Variants in CFTR observed in about 807,000 individuals in gnomAD.
CFTR encodes the protein cystic fibrosis transmembrane conductance regulator.
Under a neutral mutation model 171.6 loss-of-function variants are expected in CFTR, and 181 were observed. That is an observed-to-expected ratio of 1.05 (90% CI 0.93 to 1.19). The LOEUF (loss-of-function observed/expected upper bound fraction) is 1.19, where lower values mean the gene tolerates loss of function less well. CFTR is among the 50% of genes most tolerant of loss of function. CFTR has a pLI of 0.00. For synonymous variants in CFTR, 583 were observed against 608.0 expected, an observed-to-expected ratio of 0.96 and a Z score of 0.60; for missense variants, 1,968 against 1,734.7, an observed-to-expected ratio of 1.13 and a Z score of -2.39.
At chr7:117,595,766 C>T (rs993368265) in intron 15 of CFTR, among the ~76,000 whole-genome samples, 2 of 151,944 alleles carry the variant, frequency 1.3e-5, no homozygotes, top group Non-Finnish European at 2.9e-5. Context: ...TGCCTGTATG[C>T]TACCATTAAC....
intron 24 of CFTR, among the ~76,000 whole-genome samples, chr7:117,655,284 A>G (rs993779706): frequency 3.9e-5 from 6 of 152,150 alleles, no homozygotes; most frequent in Non-Finnish European, 7.3e-5. Flanking sequence ...TTGCTTGGAT[A>G]TTTCCTCAGT....
chr7:117,519,753 T>C (rs908823979), intron 3 of CFTR, among the ~76,000 whole-genome samples: 4 of 152,020 alleles, frequency 2.6e-5, no homozygotes, highest in Non-Finnish European at 5.9e-5. Flanking sequence ...GATGTTTTTC[T>C]ACCTAGTTAC....
chr7:117,536,565 A>G lies in CFTR; in HGVS notation c.761A>G (p.Lys254Arg). Residue 254 changes from lysine (K) to arginine (R), a missense_variant, in exon 7 of 27, where the codon AAG (lysine) becomes AGG (arginine). Coordinates refer to ENST00000003084, the MANE Select transcript of CFTR (RefSeq NM_000492.4). ...MMKYRDQRAGKISERLVITSE... is the reference protein window; with the variant it reads ...MMKYRDQRAGRISERLVITSE... ...ATTTACAGAGATCAGAGAGCTGGGAAGATCAGTGAAAGACTTGTGATTACC... is the reference window on the plus strand; with the variant it reads ...ATTTACAGAGATCAGAGAGCTGGGAGGATCAGTGAAAGACTTGTGATTACC... The G allele has an allele frequency of 1.3e-6, 2 of 1,596,226 alleles. No individual in the cohort carries two copies. Among genetic ancestry groups the G allele is most frequent in the Non-Finnish European group, 1.7e-6 (2 of 1,169,796 alleles).
intron 9 of CFTR, among the ~76,000 whole-genome samples, chr7:117,544,220 G>A (rs1237179206): frequency 2.0e-5 from 3 of 151,728 alleles, no homozygotes; most frequent in Non-Finnish European, 4.4e-5. Flanking sequence ...TTTGGAGAAG[G>A]AAGTGCTATC....
rs397508662 is a variant in CFTR, at chr7:117,664,758, TCCTAAGC to T, written c.4036_4042del (p.Leu1346MetfsTer6). 6.2e-7 allele frequency: 1 copy of T among 1,613,964 alleles called. No homozygotes were observed. Among genetic ancestry groups the T allele is most frequent in the Non-Finnish European group, 8.5e-7 (1 of 1,179,842 alleles). ...TTTGTCCTTGTGGATGGGGGCTGTGTCCTAAGCCATGGCCACAAGCAGTTGATGTGCT... is the reference window on the plus strand; with the variant it reads ...TTTGTCCTTGTGGATGGGGGCTGTGTCATGGCCACAAGCAGTTGATGTGCT... On this transcript the variant is annotated frameshift_variant, in exon 25 of 27. Transcript: ENST00000003084. LOFTEE classifies it high-confidence loss of function.
At chr7:117,527,990 TC>T (rs960961428) in intron 3 of CFTR, among the ~76,000 whole-genome samples, 10 of 115,160 alleles carry the variant, frequency 8.7e-5, no homozygotes, top group African/African-American at 2.9e-4. Context: ...CCAATGACTT[TC>T]TTCATAGAAT....
At chr7:117,629,279 G>T (rs1259147136) in intron 22 of CFTR, among the ~76,000 whole-genome samples, 2 of 152,128 alleles carry the variant, frequency 1.3e-5, no homozygotes, top group Non-Finnish European at 2.9e-5. Flanking sequence ...TATGGATTGT[G>T]CCATTTGTCA....
At chr7:117,494,038 G>C (rs1268110852) in intron 1 of CFTR, among the ~76,000 whole-genome samples, 2 of 152,110 alleles carry the variant, frequency 1.3e-5, no homozygotes, top group African/African-American at 4.8e-5. Context: ...GATGATTTCA[G>C]GCAGAATCCT....
intron 20 of CFTR, among the ~76,000 whole-genome samples, chr7:117,613,190 G>T (rs1471741548): frequency 6.6e-6 from 1 of 152,100 alleles, no homozygotes; most frequent in African/African-American, 2.4e-5. Flanking sequence ...ATCAAAGAAG[G>T]CTGAATTACA....
At chr7:117,507,799 TG>T (rs1798445037) in intron 2 of CFTR, among the ~76,000 whole-genome samples, 1 of 152,200 alleles carries the variant, frequency 6.6e-6, no homozygotes, top group South Asian at 2.1e-4. Flanking sequence ...TTGTTTGTGT[TG>T]TTTGTTTTTG....
Position 117,517,706 on chromosome 7 carries a change from G to A in CFTR, c.273+8564G>A, listed in dbSNP as rs34735848. Among the ~76,000 whole-genome samples, 814 of 152,048 alleles carry A rather than the reference G, an allele frequency of 5.4e-3. 7 individuals carry two copies. The highest frequency in any genetic ancestry group is 0.018 in the African/African-American group (759 of 41,498). Reference sequence around the variant, plus strand: ...GAAGCATTCCTATTTCTCCACATCCGCTCCAGCATCTGTTGTTTCCTGACT... The same window carrying A: ...GAAGCATTCCTATTTCTCCACATCCACTCCAGCATCTGTTGTTTCCTGACT... On this transcript the variant is annotated intron_variant, in intron 3 of 26. Transcript: ENST00000003084.
chr7:117,561,418 C>T (rs1252238024), intron 11 of CFTR, among the ~76,000 whole-genome samples: 1 of 151,972 alleles, frequency 6.6e-6, no homozygotes, highest in Non-Finnish European at 1.5e-5. Context: ...ATATTTTTGG[C>T]CTCTTGAAAA....
chr7:117,581,436 C>T (rs1791848962), intron 11 of CFTR, among the ~76,000 whole-genome samples: 1 of 152,032 alleles, frequency 6.6e-6, no homozygotes, highest in Non-Finnish European at 1.5e-5. Flanking sequence ...CAGGTAAACA[C>T]TCTATTCAAG....
At position 117,555,414 on chromosome 7, in the gene CFTR, G is replaced by A. The variant is rs910056732; in HGVS notation, c.1393-4050G>A. On this transcript the variant is annotated intron_variant, in intron 10 of 26. Transcript: ENST00000003084. ...GGAAGCCACTTCCTGTTGCTATTAC[G>A]GTAAGCTCAAGCATTGTGGATAGCC... is the stretch of plus-strand genomic sequence containing the variant. 2.6e-5 allele frequency among the ~76,000 whole-genome samples: 4 copies of A among 152,128 alleles called. 1 individual carries two copies. Among genetic ancestry groups the A allele is most frequent in the African/African-American group, 7.2e-5 (3 of 41,394 alleles).
rs779751685 is a variant in CFTR at position 117,614,760 on chromosome 7, G to A, written c.3468+47G>A. On this transcript the variant is annotated intron_variant, in intron 21 of 26. Coordinates refer to ENST00000003084, the MANE Select transcript of CFTR (RefSeq NM_000492.4). ...ACTTTTATGAAAAAAATTCAGACAA[G>A]TAACAAAGTATGAGTAATAGCATGA... 6 of 1,239,594 alleles carry A rather than the reference G, an allele frequency of 4.8e-6. 1 individual carries two copies. Among genetic ancestry groups the A allele is most frequent in the South Asian group, 4.8e-5 (4 of 83,426 alleles). The allele number at this position is 1,239,594 out of a possible 1,614,324, so 76.8% of individuals were successfully genotyped here.
chr7:117,656,053 G>A (rs536159286), intron 24 of CFTR, among the ~76,000 whole-genome samples: 1 of 152,242 alleles, frequency 6.6e-6, no homozygotes, highest in African/African-American at 2.4e-5. Flanking sequence ...GGGGACAGAA[G>A]CTTTCAGTTT....
At chr7:117,568,127 G>A (rs1008203228) in intron 11 of CFTR, among the ~76,000 whole-genome samples, 23 of 152,156 alleles carry the variant, frequency 1.5e-4, no homozygotes, top group African/African-American at 5.1e-4. Context: ...GGACCCAAGA[G>A]AGCACTTTGC....
chr7:117,482,280 A>G (rs1404478017), intron 1 of CFTR, among the ~76,000 whole-genome samples: 2 of 152,198 alleles, frequency 1.3e-5, no homozygotes, highest in Non-Finnish European at 2.9e-5. Context: ...CTTCAGTTTG[A>G]GAGTCATAAA....
intron 1 of CFTR, among the ~76,000 whole-genome samples, chr7:117,496,707 G>A (rs577833872): frequency 1.3e-5 from 2 of 152,214 alleles, no homozygotes; most frequent in South Asian, 4.1e-4. Flanking sequence ...GTAATGGATG[G>A]GCCATATAGT....
Sources: gnomAD v4.1 joint callset for allele counts (sites outside exome capture counted in the v4.1 genomes callset) on GRCh38, gnomAD v4.1.1 for gene constraint, MANE v1.5 for transcripts, NCBI Gene and HGNC (gene_info 2026-07-23, HGNC 2026-07-21) for gene names.